The following RORB variants were observed in gnomAD, a reference collection of about 807,000 sequenced individuals.
RORB encodes the protein RAR related orphan receptor B.
A neutral mutation model predicts 59.1 loss-of-function variants in RORB; 6 were observed. The ratio of observed to expected loss-of-function variants is 0.10; its 90% CI spans 0.06 to 0.20. The LOEUF is 0.20. Ranked by LOEUF, RORB falls within the 10% of genes least tolerant of loss-of-function variation. The pLI is 1.00. For synonymous variants in RORB, 215 were observed against 204.5 expected (o/e 1.05, Z -0.44); for missense variants, 320 against 560.5 (o/e 0.57, Z 4.33).
chr9:74,527,348 C>T (rs1282001915), intron 1 of RORB, among the ~76,000 whole-genome samples: 1 of 151,844 alleles, frequency 6.6e-6, no homozygotes, highest in East Asian at 1.9e-4. Context: ...GTCGCTGTTC[C>T]AAAATCTGGG....
intron 1 of RORB, among the ~76,000 whole-genome samples, chr9:74,524,744 T>C (rs1217281295): frequency 6.6e-6 from 1 of 151,924 alleles, no homozygotes; most frequent in African/African-American, 2.4e-5. Context: ...AAAATTATAA[T>C]ATTTGTCTTT....
intron 1 of RORB, among the ~76,000 whole-genome samples, chr9:74,607,660 A>G (rs1823169738): frequency 6.6e-6 from 1 of 152,110 alleles, no homozygotes; most frequent in Non-Finnish European, 1.5e-5. Context: ...CTATATACAT[A>G]TATACATGTA....
chr9:74,534,300 G>A (rs1415277300), intron 1 of RORB, among the ~76,000 whole-genome samples: 2 of 151,910 alleles, frequency 1.3e-5, no homozygotes, highest in African/African-American at 4.8e-5. Context: ...ATTGATAATG[G>A]CCTGATATTA....
intron 9 of RORB, among the ~76,000 whole-genome samples, chr9:74,679,069 A>C (rs1377687723): frequency 6.6e-6 from 1 of 151,432 alleles, no homozygotes; most frequent in East Asian, 1.9e-4. Flanking sequence ...AAAAAAAAAA[A>C]CAAAAAAACC....
intron 1 of RORB, among the ~76,000 whole-genome samples, chr9:74,578,744 A>G (rs537074030): frequency 6.6e-6 from 1 of 152,206 alleles, no homozygotes; most frequent in East Asian, 1.9e-4. Context: ...ATGGTACAAG[A>G]CTTTAGTCTT....
chr9:74,515,141 T>C (rs1039236423), intron 1 of RORB, among the ~76,000 whole-genome samples: 6 of 150,296 alleles, frequency 4.0e-5, no homozygotes, highest in African/African-American at 1.2e-4. Context: ...ATGAAGAAAA[T>C]GTATTTATTC....
intron 1 of RORB, among the ~76,000 whole-genome samples, chr9:74,610,454 T>A (rs1001421754): frequency 5.9e-5 from 9 of 152,246 alleles, no homozygotes; most frequent in African/African-American, 2.2e-4. Flanking sequence ...AGTTATTGAA[T>A]GTTTATTATG....
intron 1 of RORB, among the ~76,000 whole-genome samples, chr9:74,596,529 G>A (rs1227078648): frequency 1.3e-5 from 2 of 152,114 alleles, no homozygotes; most frequent in Non-Finnish European, 2.9e-5. Flanking sequence ...ATCAAACAAT[G>A]GGCTACAGGT....
At chr9:74,570,300 A>G (rs1244952654) in intron 1 of RORB, among the ~76,000 whole-genome samples, 1 of 152,106 alleles carries the variant, frequency 6.6e-6, no homozygotes, top group Non-Finnish European at 1.5e-5. Context: ...TGAATGTGTA[A>G]ATGAATATGT....
chr9:74,511,061 A>T (rs1015729151), intron 1 of RORB, among the ~76,000 whole-genome samples: 1 of 152,216 alleles, frequency 6.6e-6, no homozygotes, highest in Admixed American at 6.5e-5. Context: ...CCTGTGCCTA[A>T]AAACGTATTG....
chr9:74,601,606 C>T (rs1284675167), intron 1 of RORB, among the ~76,000 whole-genome samples: 1 of 152,160 alleles, frequency 6.6e-6, no homozygotes, highest in African/African-American at 2.4e-5. Context: ...ACTCAATTCT[C>T]TACGATTTCT....
intron 1 of RORB, among the ~76,000 whole-genome samples, chr9:74,518,735 C>A (rs894917316): frequency 1.3e-5 from 2 of 151,896 alleles, no homozygotes; most frequent in African/African-American, 2.4e-5. Flanking sequence ...GGAACAGGAG[C>A]TTTTATAGAC....
chr9:74,569,014 A>G (rs1019276040), intron 1 of RORB, among the ~76,000 whole-genome samples: 3 of 152,118 alleles, frequency 2.0e-5, no homozygotes, highest in Non-Finnish European at 4.4e-5. Context: ...GTTAGTATGA[A>G]TGTACCAATG....
intron 1 of RORB, among the ~76,000 whole-genome samples, chr9:74,611,365 GAGA>G (rs1823228923): frequency 6.6e-6 from 1 of 152,182 alleles, no homozygotes; most frequent in African/African-American, 2.4e-5. Context: ...AGGAAATGAA[GAGA>G]AGATTTTTGT....
rs148099055 is a variant in RORB, at chr9:74,628,176, T to G, written c.8-2106T>G. ...AATAGAATAACATCAAATCTCATAT[T>G]TTTCTCCTACCACAAAATCTTGAAA... On this transcript the variant is annotated intron_variant, in intron 1 of 9. Transcript: ENST00000376896. 2.0e-3 allele frequency among the ~76,000 whole-genome samples: 300 copies of G among 152,234 alleles called. 4 individuals are homozygous for G. The East Asian group carries it at 0.045, about 23-fold the overall frequency.
chr9:74,626,307 AT>A (rs1427186148), intron 1 of RORB, among the ~76,000 whole-genome samples: 1 of 152,220 alleles, frequency 6.6e-6, no homozygotes, highest in East Asian at 1.9e-4. Context: ...GCAGCAAATT[AT>A]TTTAAATCTT....
chr9:74,580,999 A>G (rs1013804670), intron 1 of RORB, among the ~76,000 whole-genome samples: 6 of 152,160 alleles, frequency 3.9e-5, no homozygotes, highest in African/African-American at 1.2e-4. Context: ...AGAATTTCAG[A>G]TGGGGATGCA....
At chr9:74,568,797 A>G (rs1286321769) in intron 1 of RORB, among the ~76,000 whole-genome samples, 2 of 152,062 alleles carry the variant, frequency 1.3e-5, no homozygotes, top group Non-Finnish European at 2.9e-5. Context: ...AGTGAAATGA[A>G]CATTTAAAAT....
chr9:74,572,753 G>A (rs1563941020), intron 1 of RORB, among the ~76,000 whole-genome samples: 1 of 152,076 alleles, frequency 6.6e-6, no homozygotes, highest in Non-Finnish European at 1.5e-5. Flanking sequence ...TTCCTCAGTA[G>A]GTTTCACTTA....
Sources: allele counts gnomAD v4.1 joint callset (sites outside exome capture counted in the v4.1 genomes callset), GRCh38; gene constraint gnomAD v4.1.1; transcripts MANE v1.5; gene names NCBI Gene and HGNC (gene_info 2026-07-23, HGNC 2026-07-21).